CCDC148: variants seen among roughly 807,000 people sequenced by gnomAD.
CCDC148 encodes the protein coiled-coil domain-containing protein 148.
A neutral mutation model predicts 85.7 loss-of-function variants in CCDC148; 89 were observed. The ratio of observed to expected loss-of-function variants is 1.04; its 90% CI spans 0.87 to 1.24. CCDC148 has a LOEUF of 1.24. Among genes scored for constraint, CCDC148 ranks in the 50% most tolerant of loss-of-function variants. The pLI is 0.00. For missense variants in CCDC148, 692 were observed against 671.7 expected, an observed-to-expected ratio of 1.03 and a Z score of -0.33; for synonymous variants, 230 against 213.9, an observed-to-expected ratio of 1.08 and a Z score of -0.66.
At chr2:158,291,726 G>A (rs1690904930) in intron 9 of CCDC148, among the ~76,000 whole-genome samples, 1 of 152,144 alleles carries the variant, frequency 6.6e-6, no homozygotes, top group Admixed American at 6.5e-5. Flanking sequence ...ACTGGAATCT[G>A]AGATCCCTGA....
intron 9 of CCDC148, among the ~76,000 whole-genome samples, chr2:158,296,269 GCTCA>G (rs1691183897): frequency 6.6e-6 from 1 of 152,032 alleles, no homozygotes; most frequent in Admixed American, 6.6e-5. Flanking sequence ...ATGTATTAAG[GCTCA>G]CTTATTTTTG....
chr2:158,304,089 T>G (rs1444167294), intron 9 of CCDC148, among the ~76,000 whole-genome samples: 1 of 151,998 alleles, frequency 6.6e-6, no homozygotes, highest in African/African-American at 2.4e-5. Flanking sequence ...GTTAGAGAGG[T>G]CCGTGGTAAC....
At chr2:158,303,727 T>G (rs1295728652) in intron 9 of CCDC148, among the ~76,000 whole-genome samples, 2 of 152,138 alleles carry the variant, frequency 1.3e-5, no homozygotes, top group African/African-American at 2.4e-5. Flanking sequence ...CTTCTCAGGT[T>G]TCATCCCTGA....
intron 12 of CCDC148, among the ~76,000 whole-genome samples, chr2:158,176,863 C>T (rs542585946): frequency 6.6e-6 from 1 of 152,074 alleles, no homozygotes; most frequent in African/African-American, 2.4e-5. Context: ...ACATATAAGA[C>T]AAAATATTAA....
intron 9 of CCDC148, among the ~76,000 whole-genome samples, chr2:158,256,773 C>T (rs1689028374): frequency 6.6e-6 from 1 of 151,746 alleles, no homozygotes. Flanking sequence ...CAAGTCTTGG[C>T]TCAGATGCCA....
intron 2 of CCDC148, among the ~76,000 whole-genome samples, chr2:158,351,747 C>T (rs1323844060): frequency 6.6e-6 from 1 of 152,150 alleles, no homozygotes; most frequent in African/African-American, 2.4e-5. Context: ...GCCTGCCTGC[C>T]TCTGTAGGCT....
chr2:158,185,906 T>C (rs1008712034), intron 11 of CCDC148, among the ~76,000 whole-genome samples: 1 of 152,046 alleles, frequency 6.6e-6, no homozygotes, highest in African/African-American at 2.4e-5. Context: ...AAAATCACCA[T>C]GCCCCAATAG....
chr2:158,296,555 T>A (rs748502454), intron 9 of CCDC148, among the ~76,000 whole-genome samples: 3 of 152,226 alleles, frequency 2.0e-5, no homozygotes, highest in Admixed American at 6.5e-5. Flanking sequence ...TGCCTGAAAT[T>A]TTGTTGCATA....
At chr2:158,214,427 T>C (rs1686743802) in intron 11 of CCDC148, among the ~76,000 whole-genome samples, 1 of 152,148 alleles carries the variant, frequency 6.6e-6, no homozygotes, top group African/African-American at 2.4e-5. Flanking sequence ...TTTCAAACTT[T>C]GTAGAATATG....
chr2:158,173,127 G>A (rs551372540), intron 13 of CCDC148, among the ~76,000 whole-genome samples: 15 of 152,096 alleles, frequency 9.9e-5, no homozygotes, highest in African/African-American at 1.4e-4. Context: ...TGGTGGTGGC[G>A]GCATGCGGAT....
intron 11 of CCDC148, among the ~76,000 whole-genome samples, chr2:158,206,198 G>A (rs548249960): frequency 1.3e-5 from 2 of 152,290 alleles, no homozygotes; most frequent in East Asian, 3.9e-4. Context: ...AGGTAACAAT[G>A]AGACTCATCG....
At chr2:158,261,349 A>C (rs1008288704) in intron 9 of CCDC148, among the ~76,000 whole-genome samples, 4 of 152,066 alleles carry the variant, frequency 2.6e-5, no homozygotes, top group Non-Finnish European at 5.9e-5. Flanking sequence ...CCTTCCTTAC[A>C]TCATATATAA....
intron 11 of CCDC148, among the ~76,000 whole-genome samples, chr2:158,205,658 A>G (rs1363043008): frequency 6.6e-6 from 1 of 152,168 alleles, no homozygotes; most frequent in East Asian, 1.9e-4. Flanking sequence ...AAAGACAATC[A>G]TAATGCCAGA....
At chr2:158,205,537 G>A (rs1374885445) in intron 11 of CCDC148, among the ~76,000 whole-genome samples, 2 of 152,062 alleles carry the variant, frequency 1.3e-5, no homozygotes, top group African/African-American at 4.8e-5. Context: ...CTTTAATTCT[G>A]CTAACAATCA....
intron 11 of CCDC148, among the ~76,000 whole-genome samples, chr2:158,195,510 T>G (rs1395854518): frequency 2.0e-5 from 3 of 152,302 alleles, no homozygotes; most frequent in African/African-American, 4.8e-5. Context: ...ACGATAATAC[T>G]TCCTGCTCCT....
At chr2:158,370,903 A>C (rs1684409131) in intron 1 of CCDC148, among the ~76,000 whole-genome samples, 1 of 151,916 alleles carries the variant, frequency 6.6e-6, no homozygotes, top group African/African-American at 2.4e-5. Flanking sequence ...TTAAAAAAAA[A>C]AATTGAACAG....
chr2:158,454,299 T>C (rs1688516984), intron 1 of CCDC148, among the ~76,000 whole-genome samples: 1 of 152,174 alleles, frequency 6.6e-6, no homozygotes, highest in African/African-American at 2.4e-5. Flanking sequence ...AAGCCAGATA[T>C]TTGGAAGGCT....
At chr2:158,184,473 A>G (rs1342210624) in intron 11 of CCDC148, among the ~76,000 whole-genome samples, 1 of 152,186 alleles carries the variant, frequency 6.6e-6, no homozygotes, top group Non-Finnish European at 1.5e-5. Context: ...TTGAGTTTAC[A>G]TAATTTGTGG....
At chr2:158,190,838 A>G (rs992692103) in intron 11 of CCDC148, among the ~76,000 whole-genome samples, 8 of 152,008 alleles carry the variant, frequency 5.3e-5, no homozygotes, top group African/African-American at 1.9e-4. Context: ...GTTTTATTGG[A>G]GAGGTTTTTT....
Sources: allele counts gnomAD v4.1 joint callset (sites outside exome capture counted in the v4.1 genomes callset), GRCh38; gene constraint gnomAD v4.1.1; transcripts MANE v1.5; gene names NCBI Gene and HGNC (gene_info 2026-07-23, HGNC 2026-07-21).